EPRS1: variants seen among roughly 807,000 people sequenced by gnomAD.
The protein encoded by EPRS1 is bifunctional glutamate/proline--tRNA ligase.
Under a neutral mutation model 188.3 loss-of-function variants are expected in EPRS1, and 107 were observed. The ratio of observed to expected loss-of-function variants is 0.57; its 90% CI spans 0.49 to 0.67. The LOEUF (loss-of-function observed/expected upper bound fraction) is 0.67, where lower values mean the gene tolerates loss of function less well. Among genes scored for constraint, EPRS1 ranks in the 30% least tolerant of loss-of-function variants. The pLI is 0.00. For synonymous variants in EPRS1, 596 were observed against 593.1 expected (o/e 1.00, Z -0.07); for missense variants, 1,577 against 1,802.2 (o/e 0.88, Z 2.26).
At chr1:220,040,850 T>TA (rs61548054) in intron 1 of EPRS1, among the ~76,000 whole-genome samples, 62,249 of 140,888 alleles carry the variant, frequency 0.44, 13,829 homozygotes, top group Non-Finnish European at 0.5. Context: ...AACTGCGTCT[T>TA]AAAAAAAAAA....
At chr1:220,003,514 A>G (rs1661399284) in intron 16 of EPRS1, among the ~76,000 whole-genome samples, 1 of 152,192 alleles carries the variant, frequency 6.6e-6, no homozygotes. Flanking sequence ...TTTTCTTCTA[A>G]GAGTTTTATA....
In EPRS1 at chr1:219,972,138, T is replaced by G; in HGVS notation, c.4254A>C (p.Glu1418Asp). The G allele has an allele frequency of 6.4e-7, 1 of 1,569,494 alleles. No homozygotes were observed. The highest frequency in any genetic ancestry group is 1.2e-5 in the South Asian group (1 of 83,764). Residue 1418 changes from glutamate to aspartate, a missense_variant, in exon 30 of 32, where the codon GAA becomes GAC. By Grantham distance (45) the Glu-to-Asp change is conservative. Transcript: ENST00000366923. ...CCACAACCATATGAGTCTTAAGGTCTTCAGAAGCCCTACCAAACAAAATTA... is the reference window on the plus strand; with the variant it reads ...CCACAACCATATGAGTCTTAAGGTCGTCAGAAGCCCTACCAAACAAAATTA... ...IQVTLFTRAS[E>D]DLKTHMVVAN...
rs1661801916 is a variant in EPRS1 at position 220,019,004 on chromosome 1, A to C, written c.1425T>G (p.Ile475Met). 6 of 1,610,716 alleles carry C rather than the reference A, an allele frequency of 3.7e-6. No homozygotes were observed. Among genetic ancestry groups the C allele is most frequent in the Non-Finnish European group, 5.1e-6 (6 of 1,176,982 alleles). ...GMTVEGLKQF[I>M]AAQGSSRSVV... ...AGAAACTGTAACGCACCTGAGCAGC[A>C]ATAAACTGTTTCAGTCCTTCAACTG... is the stretch of plus-strand genomic sequence containing the variant. Residue 475 changes from isoleucine (I) to methionine (M), a missense_variant, in exon 11 of 32, where the codon ATT becomes ATG. Coordinates refer to ENST00000366923, the MANE Select transcript of EPRS1 (RefSeq NM_004446.3).
intron 2 of EPRS1, among the ~76,000 whole-genome samples, chr1:220,036,057 G>A (rs575648439): frequency 2.6e-4 from 39 of 152,114 alleles, no homozygotes; most frequent in African/African-American, 3.4e-4. Flanking sequence ...AAAATTAGCC[G>A]GGTGTGGTGG....
At chr1:219,984,523 A>C (rs1660965761) in intron 20 of EPRS1, among the ~76,000 whole-genome samples, 1 of 152,166 alleles carries the variant, frequency 6.6e-6, no homozygotes, top group Non-Finnish European at 1.5e-5. Context: ...AGCTCAAGAG[A>C]TTCTCTCACC....
chr1:220,028,528 C>T (rs1662028744), intron 6 of EPRS1, among the ~76,000 whole-genome samples: 1 of 152,016 alleles, frequency 6.6e-6, no homozygotes, highest in Non-Finnish European at 1.5e-5. Flanking sequence ...CTGAATTGGG[C>T]TTCTGCCATA....
intron 10 of EPRS1, 21 bp from the exon 11 acceptor site, chr1:220,019,100 A>G (rs1343674418): frequency 1.3e-6 from 2 of 1,494,226 alleles, no homozygotes; most frequent in Admixed American, 1.7e-5. Flanking sequence ...GTAAATTTTA[A>G]GTACCAAGGA....
chr1:219,995,638 G>C (rs1558049272), intron 18 of EPRS1, among the ~76,000 whole-genome samples: 1 of 152,182 alleles, frequency 6.6e-6, no homozygotes, highest in African/African-American at 2.4e-5. Context: ...AAAAGTAACT[G>C]TGGTTTTTGC....
chr1:220,022,542 G>A (rs141582658), intron 8 of EPRS1, 24 bp from the exon 9 acceptor site: 25 of 1,548,790 alleles, frequency 1.6e-5, no homozygotes, highest in Middle Eastern at 1.7e-4. Flanking sequence ...ATTACATTAC[G>A]GTTCACTAAT....
chr1:220,033,993 C>A (rs187967891), intron 3 of EPRS1, among the ~76,000 whole-genome samples: 16 of 151,532 alleles, frequency 1.1e-4, no homozygotes, highest in Non-Finnish European at 1.6e-4. Flanking sequence ...AGGGATGGTA[C>A]CTAGCCAAAC....
Position 219,968,777 on chromosome 1 carries a change from G to A in EPRS1, c.*29C>T, listed in dbSNP as rs1382849338. ...ATATCAATGCTTTAAAAAGTGAGAG[G>A]AGTTGAAGAGGGGGCTTTCGTTCAT... On this transcript the variant is annotated 3_prime_UTR_variant, in exon 32 of 32. Coordinates refer to ENST00000366923, the MANE Select transcript of EPRS1 (RefSeq NM_004446.3). 3 of 1,608,838 alleles carry A rather than the reference G, an allele frequency of 1.9e-6. No homozygotes were observed. In the East Asian group the frequency reaches 6.7e-5, roughly 36 times the overall value.
At chr1:219,969,930 C>T (rs968002088) in intron 30 of EPRS1, among the ~76,000 whole-genome samples, 1 of 152,112 alleles carries the variant, frequency 6.6e-6, no homozygotes, top group Admixed American at 6.5e-5. Flanking sequence ...AAGCAATTCT[C>T]GTGCCCCAGC....
In EPRS1 at chr1:219,968,685, G is replaced by T; in HGVS notation, c.*121C>A. 2.1e-6 allele frequency: 2 copies of T among 948,222 alleles called. No individual in the cohort carries two copies. Among genetic ancestry groups the T allele is most frequent in the South Asian group, 1.7e-5 (1 of 57,180 alleles). The allele number at this position is 948,222 out of a possible 1,614,324, so 58.7% of individuals were successfully genotyped here. ...TTAGGCATAAGAATAATTGTCCTGT[G>T]TGACTTCATTTTAGAACTTTTACTT... On this transcript the variant is annotated 3_prime_UTR_variant, in exon 32 of 32. Coordinates refer to ENST00000366923, the MANE Select transcript of EPRS1 (RefSeq NM_004446.3).
chr1:220,030,985 A>T (rs1320205752), intron 5 of EPRS1, among the ~76,000 whole-genome samples: 1 of 151,924 alleles, frequency 6.6e-6, no homozygotes, highest in Non-Finnish European at 1.5e-5. Flanking sequence ...CCAGCTACTC[A>T]GGAAGCTGAG....
intron 28 of EPRS1, among the ~76,000 whole-genome samples, chr1:219,976,191 G>A (rs988017801): frequency 6.6e-6 from 1 of 152,126 alleles, no homozygotes; most frequent in African/African-American, 2.4e-5. Flanking sequence ...ATAACCCAGT[G>A]CTTAATACTG....
At chr1:219,982,665 C>T (rs2102564830) in intron 23 of EPRS1, 107 bp downstream of exon 23, 3 of 821,052 alleles carry the variant, frequency 3.7e-6, no homozygotes, top group Admixed American at 2.3e-5. Flanking sequence ...AATGTTATAT[C>T]GTCAACAGAG....
chr1:220,018,370 G>A (rs914761529), intron 12 of EPRS1, 79 bp downstream of exon 12: 3 of 1,164,586 alleles, frequency 2.6e-6, no homozygotes, highest in Non-Finnish European at 2.6e-6. Context: ...TCTCTACCAT[G>A]AGCACAGTAA....
intron 19 of EPRS1, among the ~76,000 whole-genome samples, 185 bp downstream of exon 19, chr1:219,988,405 T>C (rs75355960): frequency 6.6e-6 from 1 of 152,012 alleles, no homozygotes; most frequent in East Asian, 1.9e-4. Context: ...TATGAAAACA[T>C]CCAATCAAAT....
intron 30 of EPRS1, among the ~76,000 whole-genome samples, chr1:219,969,653 G>GAAAAA (rs71560594): frequency 1.4e-5 from 2 of 141,874 alleles, no homozygotes; most frequent in African/African-American, 2.6e-5. Context: ...TTTGTGTAAG[G>GAAAAA]AAAAAAAAAA....
Sources: allele counts gnomAD v4.1 joint callset (sites outside exome capture counted in the v4.1 genomes callset), GRCh38; gene constraint gnomAD v4.1.1; transcripts MANE v1.5; gene names NCBI Gene and HGNC (gene_info 2026-07-23, HGNC 2026-07-21).